The following NDEL1 variants were observed in gnomAD, a reference collection of about 807,000 sequenced individuals.
The protein encoded by NDEL1 is nudE neurodevelopment protein 1 like 1.
Under a neutral mutation model 45.7 loss-of-function variants are expected in NDEL1, and 9 were observed. That is an observed-to-expected ratio of 0.20 (90% CI 0.12 to 0.34). The LOEUF (loss-of-function observed/expected upper bound fraction) is 0.34, where lower values mean the gene tolerates loss of function less well. NDEL1 is among the 10% of genes least tolerant of loss of function. NDEL1 has a pLI of 1.00. For missense variants in NDEL1, 306 were observed against 406.2 expected, an observed-to-expected ratio of 0.75 and a Z score of 2.12; for synonymous variants, 133 against 158.6, an observed-to-expected ratio of 0.84 and a Z score of 1.21.
upstream of NDEL1, among the ~76,000 whole-genome samples, chr17:8,434,407 G>C (rs1909118736): frequency 6.6e-6 from 1 of 152,042 alleles, no homozygotes; most frequent in Non-Finnish European, 1.5e-5. Flanking sequence ...AGTAGAGACA[G>C]GGTTTCACCA....
At chr17:8,466,886 TC>T (rs1265737054) in intron 8 of NDEL1, 43 bp from the exon 9 acceptor site, 1 of 1,559,342 alleles carries the variant, frequency 6.4e-7, no homozygotes. Context: ...AATGAGTTTT[TC>T]GTTTCCCCTT....
intron 1 of NDEL1, among the ~76,000 whole-genome samples, chr17:8,438,046 C>A (rs1909469176): frequency 6.6e-6 from 1 of 152,114 alleles, no homozygotes. Context: ...GCAACCTCCA[C>A]CTCCTGGATT....
chr17:8,439,934 G>C (rs895275640), intron 1 of NDEL1, among the ~76,000 whole-genome samples: 5 of 152,218 alleles, frequency 3.3e-5, no homozygotes, highest in African/African-American at 1.2e-4. Flanking sequence ...CACCCAAGTA[G>C]TGAGTAGATG....
At chr17:8,447,143 G>GGTTTT (rs1910135374) in intron 4 of NDEL1, among the ~76,000 whole-genome samples, 1 of 151,898 alleles carries the variant, frequency 6.6e-6, no homozygotes, top group South Asian at 2.1e-4. Context: ...TGATCCTATT[G>GGTTTT]GTTTTGTTTT....
chr17:8,470,426 T>C (rs1044202010), downstream of NDEL1, among the ~76,000 whole-genome samples: 2 of 152,112 alleles, frequency 1.3e-5, no homozygotes, highest in Admixed American at 6.6e-5. This position sits in a 1 kb window ranked among gnomAD's most constrained non-coding sequence, Gnocchi z 4.2. Flanking sequence ...CTCCCAAATA[T>C]TGTCTTACAA....
chr17:8,452,524 T>G (rs1910571728), intron 6 of NDEL1, among the ~76,000 whole-genome samples: 1 of 152,162 alleles, frequency 6.6e-6, no homozygotes, highest in African/African-American at 2.4e-5. Flanking sequence ...AAAGCTGCTG[T>G]GTACTAGATC....
At chr17:8,415,364 A>G (rs1216821742) in intron 1 of NDEL1, among the ~76,000 whole-genome samples, 1 of 151,670 alleles carries the variant, frequency 6.6e-6, no homozygotes, top group Non-Finnish European at 1.5e-5. Flanking sequence ...ATTTTTTTAG[A>G]GACGAGGTTT....
downstream of NDEL1, among the ~76,000 whole-genome samples, chr17:8,468,573 A>G (rs1256891645): frequency 6.6e-6 from 1 of 152,244 alleles, no homozygotes; most frequent in Non-Finnish European, 1.5e-5. Context: ...CTCATCCCTC[A>G]GGTTAATGCT....
At chr17:8,443,980 G>C in intron 1 of NDEL1, 1 of 262,908 alleles carries the variant, frequency 3.8e-6, no homozygotes, top group South Asian at 6.2e-5. Context: ...GGATGATTCT[G>C]TGGGCCCAAG....
At chr17:8,426,059 G>C (rs1188705266) in intron 1 of NDEL1, among the ~76,000 whole-genome samples, 1 of 152,134 alleles carries the variant, frequency 6.6e-6, no homozygotes, top group African/African-American at 2.4e-5. Context: ...TAAAGTGTTG[G>C]GATTACTGGA....
At chr17:8,438,962 AGTCTCT>A (rs1909541301) in intron 1 of NDEL1, among the ~76,000 whole-genome samples, 1 of 146,184 alleles carries the variant, frequency 6.8e-6, no homozygotes, top group Non-Finnish European at 1.5e-5. Context: ...TTTGAAACGG[AGTCTCT>A]CTCTGTCACC....
chr17:8,455,333 C>T (rs1212409304), intron 7 of NDEL1, among the ~76,000 whole-genome samples: 1 of 152,204 alleles, frequency 6.6e-6, no homozygotes, highest in East Asian at 1.9e-4. Context: ...CCTTGGCCAC[C>T]TCAACTTCAG....
intron 1 of NDEL1, chr17:8,443,992 C>T (rs1909924589): frequency 3.6e-6 from 1 of 274,968 alleles, no homozygotes; most frequent in Non-Finnish European, 6.9e-6. Flanking sequence ...GGGCCCAAGT[C>T]ACCCAGCGCC....
At chr17:8,457,924 T>C (rs1489263473) in intron 7 of NDEL1, among the ~76,000 whole-genome samples, 1 of 152,260 alleles carries the variant, frequency 6.6e-6, no homozygotes, top group Non-Finnish European at 1.5e-5. Context: ...GATATTTCTG[T>C]ATTACATGTT....
At chr17:8,473,669 A>G (rs1911982065) in intron 3 of NDEL1, among the ~76,000 whole-genome samples, 1 of 152,190 alleles carries the variant, frequency 6.6e-6, no homozygotes, top group Admixed American at 6.5e-5. Context: ...TACTGCTGCC[A>G]AGAAGCCTAG....
Position 8,467,160 on chromosome 17 carries a change from A to G in NDEL1, c.*137A>G, listed in dbSNP as rs1911652934. The G allele has an allele frequency of 1.2e-6, 1 of 802,262 alleles. No homozygotes were observed. The highest frequency in any genetic ancestry group is 1.7e-5 in the African/African-American group (1 of 58,334). The allele number at this position is 802,262 out of a possible 1,614,324, so 49.7% of individuals were successfully genotyped here. On this transcript the variant is annotated 3_prime_UTR_variant, in exon 9 of 9. Transcript: ENST00000334527. The surrounding 1 kb of genome is among the most constrained non-coding windows in gnomAD (Gnocchi z 6.3). ...GGCTGGCAGAGGGCAGGCTGCATGC[A>G]GTGGCGGCTACTGGGCCCTGCCCAG...
downstream of NDEL1, among the ~76,000 whole-genome samples, chr17:8,471,215 A>C (rs1310761953): frequency 6.6e-6 from 1 of 152,126 alleles, no homozygotes; most frequent in Non-Finnish European, 1.5e-5. Context: ...CAATGGCGTG[A>C]TCTTGGCTCA....
intron 8 of NDEL1, among the ~76,000 whole-genome samples, chr17:8,462,292 TGA>T (rs1188485800): frequency 6.6e-6 from 1 of 152,206 alleles, no homozygotes; most frequent in Non-Finnish European, 1.5e-5. Flanking sequence ...GGCTGTTGTG[TGA>T]GTGTTTAGCT....
intron 1 of NDEL1, among the ~76,000 whole-genome samples, chr17:8,424,580 G>A (rs1292947166): frequency 2.0e-5 from 3 of 152,178 alleles, no homozygotes; most frequent in Admixed American, 6.5e-5. Context: ...CAGCTCACAG[G>A]AAGCACCGCC....
Sources: gnomAD v4.1 joint callset for allele counts (sites outside exome capture counted in the v4.1 genomes callset) on GRCh38, gnomAD v4.1.1 for gene constraint, Gnocchi (gnomAD v3.1) non-coding constraint, MANE v1.5 for transcripts, NCBI Gene and HGNC (gene_info 2026-07-23, HGNC 2026-07-21) for gene names.